FARS2: variants seen among roughly 807,000 people sequenced by gnomAD.
FARS2 encodes phenylalanyl-tRNA synthetase 2, mitochondrial, also known as phenylalanine--tRNA ligase, mitochondrial.
A neutral mutation model predicts 46.4 loss-of-function variants in FARS2; 40 were observed. The ratio of observed to expected loss-of-function variants is 0.86; its 90% CI spans 0.67 to 1.12. The LOEUF is 1.12. FARS2 is among the 50% of genes most tolerant of loss of function. FARS2 has a pLI of 0.00. For missense variants in FARS2, 513 were observed against 567.9 expected, an observed-to-expected ratio of 0.90 and a Z score of 0.98; for synonymous variants, 234 against 214.9, an observed-to-expected ratio of 1.09 and a Z score of -0.78.
At chr6:5,380,223 C>T (rs866693513) in intron 2 of FARS2, among the ~76,000 whole-genome samples, 19 of 152,072 alleles carry the variant, frequency 1.2e-4, no homozygotes, top group South Asian at 8.3e-4. Flanking sequence ...TAATAGCATC[C>T]AAAGAAAAAC....
chr6:5,390,774 A>G (rs1269865639), intron 2 of FARS2, among the ~76,000 whole-genome samples: 2 of 152,176 alleles, frequency 1.3e-5, no homozygotes, highest in African/African-American at 2.4e-5. Flanking sequence ...TGCCCCAGGT[A>G]TGGCCCCTTT....
At chr6:5,614,671 T>C (rs908420930) in intron 6 of FARS2, among the ~76,000 whole-genome samples, 2 of 152,218 alleles carry the variant, frequency 1.3e-5, no homozygotes, top group Non-Finnish European at 2.9e-5. Flanking sequence ...AGTGCTGTGA[T>C]TACAGGCGTG....
intron 6 of FARS2, among the ~76,000 whole-genome samples, chr6:5,768,537 C>T (rs551622878): frequency 6.6e-6 from 1 of 152,316 alleles, no homozygotes; most frequent in South Asian, 2.1e-4. Flanking sequence ...TAATAATTGC[C>T]ACAATGATAC....
At chr6:5,304,619 A>G (rs1768565404) in intron 1 of FARS2, among the ~76,000 whole-genome samples, 1 of 152,128 alleles carries the variant, frequency 6.6e-6, no homozygotes, top group East Asian at 1.9e-4. Flanking sequence ...CTCACAGTAC[A>G]TGAGAAGCTG....
At chr6:5,302,597 G>A (rs1395027131) in intron 1 of FARS2, among the ~76,000 whole-genome samples, 1 of 152,200 alleles carries the variant, frequency 6.6e-6, no homozygotes, top group Non-Finnish European at 1.5e-5. Context: ...TACAGATGGG[G>A]AGATGAGGCA....
chr6:5,319,574 T>A (rs1769819283), intron 1 of FARS2, among the ~76,000 whole-genome samples: 1 of 152,138 alleles, frequency 6.6e-6, no homozygotes, highest in Non-Finnish European at 1.5e-5. Flanking sequence ...ATCTCTCGAG[T>A]TGCCTACTTG....
At chr6:5,427,551 A>T (rs750861640) in intron 3 of FARS2, among the ~76,000 whole-genome samples, 14 of 151,822 alleles carry the variant, frequency 9.2e-5, no homozygotes, top group Non-Finnish European at 1.3e-4. Context: ...AAAAAGGATT[A>T]AAAACTTCCT....
At chr6:5,609,038 G>C (rs1459290357) in intron 5 of FARS2, among the ~76,000 whole-genome samples, 1 of 152,022 alleles carries the variant, frequency 6.6e-6, no homozygotes, top group Non-Finnish European at 1.5e-5. Context: ...ATAACCTGTT[G>C]TACAGTTAGT....
chr6:5,695,431 G>A (rs1328886111), intron 6 of FARS2, among the ~76,000 whole-genome samples: 1 of 152,274 alleles, frequency 6.6e-6, no homozygotes, highest in South Asian at 2.1e-4. Context: ...TGCTGGAGCT[G>A]TTAAGTGGTG....
intron 4 of FARS2, among the ~76,000 whole-genome samples, chr6:5,436,015 C>T (rs1251800296): frequency 6.6e-6 from 1 of 150,930 alleles, no homozygotes; most frequent in East Asian, 2.0e-4. Flanking sequence ...CGAAGTGAAT[C>T]AGCATTGCTC....
At chr6:5,289,410 C>A (rs1208023195) in intron 1 of FARS2, among the ~76,000 whole-genome samples, 2 of 152,146 alleles carry the variant, frequency 1.3e-5, no homozygotes, top group Non-Finnish European at 2.9e-5. Flanking sequence ...AAGTACATGC[C>A]ACAGAATGGA....
intron 1 of FARS2, among the ~76,000 whole-genome samples, chr6:5,299,687 C>A (rs1768152356): frequency 6.6e-6 from 1 of 150,794 alleles, no homozygotes; most frequent in Non-Finnish European, 1.5e-5. Flanking sequence ...CTCCCCCAGC[C>A]CCCCACCCTC....
intron 6 of FARS2, among the ~76,000 whole-genome samples, chr6:5,684,666 A>G (rs1757051147): frequency 6.6e-6 from 1 of 152,180 alleles, no homozygotes; most frequent in African/African-American, 2.4e-5. Flanking sequence ...TCTCTCTTAA[A>G]TACCATCTCA....
chr6:5,260,931 G>GCC, upstream of FARS2: 1 of 1,353,454 alleles, frequency 7.4e-7, no homozygotes, highest in Non-Finnish European at 9.5e-7. Flanking sequence ...CCGCTTCGGG[G>GCC]GCGGGCGCAG....
intron 1 of FARS2, among the ~76,000 whole-genome samples, chr6:5,283,146 G>A (rs1392278520): frequency 6.6e-6 from 1 of 152,096 alleles, no homozygotes; most frequent in Non-Finnish European, 1.5e-5. Context: ...GCTGAGACAG[G>A]CAGATCACCT....
intron 4 of FARS2, among the ~76,000 whole-genome samples, chr6:5,451,459 C>T (rs768445825): frequency 1.3e-5 from 2 of 152,064 alleles, no homozygotes; most frequent in Admixed American, 6.5e-5. Flanking sequence ...CTTGAACTGT[C>T]GTAAGAATTG....
At chr6:5,399,136 A>T (rs913240170) in intron 2 of FARS2, among the ~76,000 whole-genome samples, 2,903 of 77,492 alleles carry the variant, frequency 0.037, 109 homozygotes, top group African/African-American at 0.15. Context: ...TTTTATTATT[A>T]TTATTATTAT....
At chr6:5,350,356 A>G (rs188457229) in intron 1 of FARS2, among the ~76,000 whole-genome samples, 102 of 152,204 alleles carry the variant, frequency 6.7e-4, no homozygotes, top group Non-Finnish European at 1.3e-3. Flanking sequence ...TTGTTTGGAA[A>G]GACATTGTTT....
At position 5,646,845 on chromosome 6, in the gene FARS2, T is replaced by G. The variant is rs190546829; in HGVS notation, c.1217+33525T>G. ...AGTATGGACCAAACCATCTTTTTCT[T>G]TTTTCAAATATTTTTGATCCACAGT... On this transcript the variant is annotated intron_variant, in intron 6 of 6. Coordinates refer to ENST00000274680, the MANE Select transcript of FARS2 (RefSeq NM_006567.5). Among the ~76,000 whole-genome samples the G allele has an allele frequency of 3.6e-3, 547 of 152,342 alleles. 2 individuals are homozygous for G. Among genetic ancestry groups the G allele is most frequent in the Non-Finnish European group, 5.3e-3 (361 of 68,034 alleles).
Sources: gnomAD v4.1 joint callset for allele counts (sites outside exome capture counted in the v4.1 genomes callset) on GRCh38, gnomAD v4.1.1 for gene constraint, MANE v1.5 for transcripts, NCBI Gene and HGNC (gene_info 2026-07-23, HGNC 2026-07-21) for gene names.